The following MAP4K3 variants were observed in gnomAD, a reference collection of about 807,000 sequenced individuals.
MAP4K3 encodes the protein mitogen-activated protein kinase kinase kinase kinase 3.
In MAP4K3, 94 loss-of-function variants were observed where a neutral mutation model predicts 143.5. The observed-to-expected ratio is 0.65, with a 90% CI of 0.55 to 0.78. The LOEUF (loss-of-function observed/expected upper bound fraction) is 0.78, where lower values mean the gene tolerates loss of function less well. Ranked by LOEUF, MAP4K3 falls within the 30% of genes least tolerant of loss-of-function variation. MAP4K3 has a pLI of 0.00. For synonymous variants in MAP4K3, 416 were observed against 347.2 expected (o/e 1.20, Z -2.20); for missense variants, 1,077 against 1,068.1 (o/e 1.01, Z -0.12).
chr2:39,280,410 T>C (rs1283963318), intron 22 of MAP4K3, 54 bp from the exon 23 acceptor site: 4 of 1,013,200 alleles, frequency 3.9e-6, no homozygotes, highest in Non-Finnish European at 4.5e-6. Context: ...CAGTCTTTAA[T>C]ATATAAAATG....
intron 2 of MAP4K3, among the ~76,000 whole-genome samples, chr2:39,370,705 T>C (rs1012521131): frequency 2.6e-5 from 4 of 152,216 alleles, no homozygotes; most frequent in Admixed American, 1.3e-4. Context: ...TCAACCTCAG[T>C]AGTTTTCATT....
At chr2:39,419,547 G>A (rs1558347143) in intron 1 of MAP4K3, among the ~76,000 whole-genome samples, 1 of 152,068 alleles carries the variant, frequency 6.6e-6, no homozygotes. Flanking sequence ...GTAATTAACA[G>A]AAACCTCCAA....
chr2:39,290,541 T>C (rs1353514960), intron 18 of MAP4K3, among the ~76,000 whole-genome samples: 3 of 151,870 alleles, frequency 2.0e-5, no homozygotes, highest in Admixed American at 1.3e-4. Flanking sequence ...TTATGTTAAG[T>C]GAAATAAGCC....
chr2:39,316,463 A>T (rs1168765041), intron 12 of MAP4K3, among the ~76,000 whole-genome samples: 1 of 152,142 alleles, frequency 6.6e-6, no homozygotes, highest in Non-Finnish European at 1.5e-5. Context: ...GGTGAACTGG[A>T]GACTTGACTG....
intron 29 of MAP4K3, 114 bp downstream of exon 29, chr2:39,260,492 G>C (rs1181182599): frequency 4.0e-6 from 3 of 756,464 alleles, no homozygotes; most frequent in Non-Finnish European, 6.5e-6. Flanking sequence ...TTTAATAATA[G>C]TTATTGAAGA....
chr2:39,311,644 A>C (rs1273052924), intron 13 of MAP4K3, among the ~76,000 whole-genome samples: 1 of 152,206 alleles, frequency 6.6e-6, no homozygotes, highest in Non-Finnish European at 1.5e-5. Context: ...CCCTAAAGAG[A>C]GGCCTCCTGG....
chr2:39,290,809 G>A (rs1436327564), intron 18 of MAP4K3, among the ~76,000 whole-genome samples: 2 of 152,260 alleles, frequency 1.3e-5, no homozygotes, highest in East Asian at 1.9e-4. Flanking sequence ...GGTGGCTCAC[G>A]CCTGTAATTC....
chr2:39,401,553 A>G (rs1389224344), intron 1 of MAP4K3, among the ~76,000 whole-genome samples: 1 of 152,078 alleles, frequency 6.6e-6, no homozygotes, highest in Non-Finnish European at 1.5e-5. Flanking sequence ...TAATCCTAGC[A>G]CTTTGGGAGG....
At chr2:39,434,636 T>A (rs879918073) in intron 1 of MAP4K3, among the ~76,000 whole-genome samples, 1 of 152,252 alleles carries the variant, frequency 6.6e-6, no homozygotes, top group African/African-American at 2.4e-5. Flanking sequence ...CCATCTCCTA[T>A]CTTTAGAGAG....
At position 39,343,450 on chromosome 2, in the gene MAP4K3, C is replaced by A. The variant is rs750653813; in HGVS notation, c.248G>T (p.Arg83Leu). The change falls in exon 4 of 34, where the codon CGA (arginine) becomes CTA (leucine). Residue 83 changes from arginine to leucine, a missense_variant and splice_region_variant. Arg to Leu is a moderately radical substitution (Grantham distance 102). Transcript: ENST00000263881. Reference sequence around the variant, plus strand: ...CTCCATGCAAATCCAAAGCTTATCTCGCCTATAAAGAGAAAAGAAGCATGT... The same window carrying A: ...CTCCATGCAAATCCAAAGCTTATCTAGCCTATAAAGAGAAAAGAAGCATGT... ...IVAYFGSYLR[R>L]DKLWICMEFC... The A allele has an allele frequency of 6.2e-7, 1 of 1,612,264 alleles. No individual in the cohort carries two copies.
chr2:39,315,066 C>A (rs1683068665), intron 13 of MAP4K3, among the ~76,000 whole-genome samples: 1 of 152,248 alleles, frequency 6.6e-6, no homozygotes, highest in African/African-American at 2.4e-5. Context: ...ATTACTTCTA[C>A]CCTGCTTATT....
At chr2:39,266,289 T>C (rs990685935) in intron 27 of MAP4K3, among the ~76,000 whole-genome samples, 1 of 152,172 alleles carries the variant, frequency 6.6e-6, no homozygotes, top group Non-Finnish European at 1.5e-5. Context: ...CAGTCATCTC[T>C]GACATCTTTT....
Position 39,254,620 on chromosome 2 carries a change from C to A in MAP4K3, c.2471-100G>T. The A allele has an allele frequency of 5.1e-6, 4 of 784,678 alleles. No homozygotes were observed. In the South Asian group the frequency reaches 5.5e-5, roughly 11 times the overall value. 48.6% of individuals were successfully genotyped at this position (784,678 alleles called of 1,614,324 possible). A position where few individuals can be genotyped will look rare whatever the true frequency, so the allele number is the denominator to read the frequency against. On this transcript the variant is annotated intron_variant, in intron 31 of 33. Coordinates refer to ENST00000263881, the MANE Select transcript of MAP4K3 (RefSeq NM_003618.4). ...TCTCATACAGCAATATTTCAATTCA[C>A]AACTAATGTCAGCTATTCCATATTT...
intron 1 of MAP4K3, among the ~76,000 whole-genome samples, chr2:39,397,585 A>T (rs1666843170): frequency 6.6e-6 from 1 of 152,180 alleles, no homozygotes; most frequent in Admixed American, 6.5e-5. Flanking sequence ...AAAAGTATCA[A>T]TTTTTTTCCT....
At chr2:39,322,598 G>GTGTGTGTA (rs1683345399) in intron 12 of MAP4K3, among the ~76,000 whole-genome samples, 1 of 131,778 alleles carries the variant, frequency 7.6e-6, no homozygotes, top group African/African-American at 3.1e-5. Flanking sequence ...GTATATGTGT[G>GTGTGTGTA]TGTGTGTGTG....
chr2:39,421,839 C>T (rs928367751), intron 1 of MAP4K3, among the ~76,000 whole-genome samples: 1 of 152,068 alleles, frequency 6.6e-6, no homozygotes, highest in Non-Finnish European at 1.5e-5. Flanking sequence ...CTACAGTGCC[C>T]TTCCACTTTA....
intron 2 of MAP4K3, among the ~76,000 whole-genome samples, chr2:39,363,510 A>G (rs1665828070): frequency 6.6e-6 from 1 of 152,126 alleles, no homozygotes; most frequent in Non-Finnish European, 1.5e-5. Context: ...TCCACTAAAA[A>G]TACAAAAAAT....
chr2:39,259,665 T>A (rs1287432990), intron 29 of MAP4K3, among the ~76,000 whole-genome samples: 1 of 152,186 alleles, frequency 6.6e-6, no homozygotes, highest in Non-Finnish European at 1.5e-5. Context: ...GTCAAAACAA[T>A]TTGATGCATG....
intron 3 of MAP4K3, among the ~76,000 whole-genome samples, chr2:39,345,077 A>C (rs1272569143): frequency 6.6e-6 from 1 of 152,230 alleles, no homozygotes; most frequent in African/African-American, 2.4e-5. Flanking sequence ...ATACATTAAA[A>C]AGTGGAGATG....
Sources: gnomAD v4.1 joint callset for allele counts (sites outside exome capture counted in the v4.1 genomes callset) on GRCh38, gnomAD v4.1.1 for gene constraint, MANE v1.5 for transcripts, NCBI Gene and HGNC (gene_info 2026-07-23, HGNC 2026-07-21) for gene names.